Variants in SNAP23 observed in about 807,000 individuals in gnomAD.
The protein encoded by SNAP23 is synaptosomal-associated protein 23.
Under a neutral mutation model 29.0 loss-of-function variants are expected in SNAP23, and 11 were observed. The observed-to-expected ratio is 0.38, with a 90% CI of 0.24 to 0.63. SNAP23 has a LOEUF of 0.63. Among genes scored for constraint, SNAP23 ranks in the 20% least tolerant of loss-of-function variants. SNAP23 has a pLI of 0.58. For missense variants in SNAP23, 220 were observed against 253.9 expected, an observed-to-expected ratio of 0.87 and a Z score of 0.91; for synonymous variants, 60 against 82.9, an observed-to-expected ratio of 0.72 and a Z score of 1.50.
upstream of SNAP23, among the ~76,000 whole-genome samples, chr15:42,494,028 C>T (rs1322469299): frequency 1.3e-5 from 2 of 152,140 alleles, no homozygotes; most frequent in East Asian, 3.9e-4. Flanking sequence ...TGCCTACTGA[C>T]TATCCCTTCT....
intron 1 of SNAP23, among the ~76,000 whole-genome samples, chr15:42,498,612 A>T (rs2057243442): frequency 1.3e-5 from 2 of 152,222 alleles, no homozygotes; most frequent in South Asian, 4.1e-4. Context: ...CCCTGGAGAC[A>T]TTTTTCCCAT....
intron 1 of SNAP23, among the ~76,000 whole-genome samples, chr15:42,498,607 G>T (rs965300265): frequency 5.9e-5 from 9 of 152,266 alleles, no homozygotes; most frequent in Admixed American, 5.2e-4. Flanking sequence ...ATATGCCCTG[G>T]AGACATTTTT....
upstream of SNAP23, among the ~76,000 whole-genome samples, chr15:42,492,510 T>C (rs2057177337): frequency 6.6e-6 from 1 of 151,506 alleles, no homozygotes; most frequent in South Asian, 2.1e-4. Context: ...AAACCCCTTC[T>C]CTACTAAAAA....
intron 7 of SNAP23, among the ~76,000 whole-genome samples, chr15:42,530,643 G>A (rs1364712457): frequency 6.6e-6 from 1 of 152,126 alleles, no homozygotes; most frequent in Non-Finnish European, 1.5e-5. Flanking sequence ...CCAGTTACTC[G>A]GGAGGCTGAG....
At chr15:42,530,348 C>T (rs774716654) in intron 7 of SNAP23, among the ~76,000 whole-genome samples, 1 of 152,106 alleles carries the variant, frequency 6.6e-6, no homozygotes, top group Non-Finnish European at 1.5e-5. Context: ...AGTGGACACA[C>T]GAAATAGAGT....
At chr15:42,497,270 G>A (rs982334379) in intron 1 of SNAP23, among the ~76,000 whole-genome samples, 10 of 149,020 alleles carry the variant, frequency 6.7e-5, no homozygotes, top group South Asian at 2.1e-4. Flanking sequence ...GTGCAGTGGC[G>A]CGATCTTGGC....
At chr15:42,505,074 C>T (rs73404717) in intron 1 of SNAP23, 12,778 of 151,922 alleles carry the variant, frequency 0.084, 607 homozygotes, top group South Asian at 0.15. Context: ...TCATTCTTTG[C>T]AAGACCCTGT....
At chr15:42,526,977 A>T (rs11630625) in intron 5 of SNAP23, among the ~76,000 whole-genome samples, 17,489 of 151,966 alleles carry the variant, frequency 0.12, 1,138 homozygotes, top group Non-Finnish European at 0.15. Flanking sequence ...AGCTGGGATT[A>T]TAGGCACGTG....
At chr15:42,531,331 TGTCA>T in intron 7 of SNAP23, 78 bp from the exon 8 acceptor site, 1 of 835,978 alleles carries the variant, frequency 1.2e-6, no homozygotes, top group East Asian at 2.8e-5. Flanking sequence ...TTTCTTGGTG[TGTCA>T]GTTACTCCAA....
intron 5 of SNAP23, among the ~76,000 whole-genome samples, chr15:42,515,597 G>C (rs1567045706): frequency 6.6e-6 from 1 of 152,198 alleles, no homozygotes; most frequent in Non-Finnish European, 1.5e-5. Context: ...TACATGAAAA[G>C]GTTAGGAAGT....
At chr15:42,527,723 C>T (rs1595530948) in intron 5 of SNAP23, among the ~76,000 whole-genome samples, 3 of 151,598 alleles carry the variant, frequency 2.0e-5, no homozygotes, top group South Asian at 2.1e-4. Context: ...TGAGCTCAAG[C>T]GATCCACCCG....
upstream of SNAP23, among the ~76,000 whole-genome samples, chr15:42,491,727 C>A (rs894135384): frequency 1.5e-4 from 23 of 152,152 alleles, no homozygotes; most frequent in African/African-American, 5.3e-4. Context: ...TGACTTTATT[C>A]TTACTCATGC....
At position 42,531,424 on chromosome 15, in the gene SNAP23, C is replaced by T. The variant is rs2141564923; in HGVS notation, c.582C>T (p.Asn194=). 5 of 1,581,544 alleles carry T rather than the reference C, an allele frequency of 3.2e-6. No homozygotes were observed. The highest frequency in any genetic ancestry group is 4.3e-6 in the Non-Finnish European group (5 of 1,166,554). ...IKRITDKADT[N]RDRIDIANAR... ...TTCTTGTTTTTCAGGCTGACACCAA[C>T]AGAGATCGTATTGATATTGCCAATG... The change falls in exon 8 of 8, where the codon AAC becomes AAT. Residue 194 remains asparagine (N), a synonymous_variant. Transcript: ENST00000249647.
intron 5 of SNAP23, among the ~76,000 whole-genome samples, chr15:42,522,716 T>TAAAAA (rs10553237): frequency 8.6e-5 from 9 of 104,866 alleles, no homozygotes; most frequent in African/African-American, 9.3e-5. Flanking sequence ...CAACCAAAAC[T>TAAAAA]AAAAAAAAAA....
At chr15:42,504,889 A>G (rs2057304926) in intron 1 of SNAP23, among the ~76,000 whole-genome samples, 1 of 152,230 alleles carries the variant, frequency 6.6e-6, no homozygotes, top group African/African-American at 2.4e-5. Context: ...ACTTCTATCA[A>G]GCCAAAGAGA....
intron 5 of SNAP23, among the ~76,000 whole-genome samples, chr15:42,523,910 G>A (rs1207630928): frequency 6.6e-6 from 1 of 152,042 alleles, no homozygotes; most frequent in Non-Finnish European, 1.5e-5. Context: ...TCCGCCTTCC[G>A]AGTTCAAGTG....
At chr15:42,491,901 T>TTAGTTAGTTAGTTAG (rs2057168801), upstream of SNAP23, among the ~76,000 whole-genome samples, 3 of 146,862 alleles carry the variant, frequency 2.0e-5, no homozygotes, top group Admixed American at 6.8e-5. Flanking sequence ...TATTTATTTA[T>TTAGTTAGTTAGTTAG]TTAGTTAGTT....
chr15:42,514,114 C>CTTTTG lies in SNAP23; in HGVS notation c.148+687_148+691dup, dbSNP rs535020247. Among the ~76,000 whole-genome samples the CTTTTG allele has an allele frequency of 5.5e-4, 82 of 150,242 alleles. No individual in the cohort carries two copies. In the South Asian group the frequency reaches 0.015, roughly 28 times the overall value. On this transcript the variant is annotated intron_variant, in intron 4 of 7. Transcript: ENST00000249647. ...ACAGGTGTGAGCCACCGTGCCGGGCCTTTTGTTTTGTTTTGTTTTGTTTTT... is the reference window on the plus strand; with the variant it reads ...ACAGGTGTGAGCCACCGTGCCGGGCCTTTTGTTTTGTTTTGTTTTGTTTTGTTTTT...
intron 1 of SNAP23, among the ~76,000 whole-genome samples, chr15:42,497,995 G>C (rs1205497754): frequency 1.3e-5 from 2 of 152,182 alleles, no homozygotes; most frequent in Non-Finnish European, 2.9e-5. Flanking sequence ...CTCACATCTA[G>C]GGCACGCTGA....
Sources: gnomAD v4.1 joint callset for allele counts (sites outside exome capture counted in the v4.1 genomes callset) on GRCh38, gnomAD v4.1.1 for gene constraint, MANE v1.5 for transcripts, NCBI Gene and HGNC (gene_info 2026-07-23, HGNC 2026-07-21) for gene names.